The following ACTR3C variants were observed in gnomAD, a reference collection of about 807,000 sequenced individuals.
ACTR3C encodes the protein actin related protein 3C.
A neutral mutation model predicts 26.3 loss-of-function variants in ACTR3C; 18 were observed. That is an observed-to-expected ratio of 0.68 (90% CI 0.47 to 1.01). ACTR3C has a LOEUF of 1.01. ACTR3C is among the 50% of genes least tolerant of loss of function. The probability of loss-of-function intolerance (pLI) is 0.00; values close to 1 mark genes in which losing one functional copy is unlikely to be tolerated. For missense variants in ACTR3C, 184 were observed against 250.7 expected (o/e 0.73, Z 1.80); for synonymous variants, 55 against 94.5 (o/e 0.58, Z 2.42).
chr7:150,199,625 AAAAT>A, the ACTR3C span, among the ~76,000 whole-genome samples: 1 of 134,226 alleles, frequency 7.5e-6, no homozygotes, highest in South Asian at 2.2e-4. Flanking sequence ...TTAAAAAAAA[AAAAT>A]AAATAAAAAT....
chr7:150,227,303 T>C, the ACTR3C span, among the ~76,000 whole-genome samples: 1 of 151,028 alleles, frequency 6.6e-6, no homozygotes, highest in Non-Finnish European at 1.5e-5. Context: ...TTTCTCTCCT[T>C]CATTTTTAGC....
At chr7:150,036,929 G>C in the ACTR3C span, among the ~76,000 whole-genome samples, 1 of 108,408 alleles carries the variant, frequency 9.2e-6, no homozygotes, top group Non-Finnish European at 2.2e-5. Context: ...TCTGCGATGG[G>C]GGTCCTAAGA....
the ACTR3C span, among the ~76,000 whole-genome samples, chr7:149,903,392 TA>T: frequency 2.0e-5 from 3 of 151,918 alleles, no homozygotes; most frequent in South Asian, 6.2e-4. Context: ...GTTGCCGGAT[TA>T]AAAAAAAATC....
chr7:150,138,541 T>C, the ACTR3C span, among the ~76,000 whole-genome samples: 1 of 152,270 alleles, frequency 6.6e-6, no homozygotes, highest in Non-Finnish European at 1.5e-5. Context: ...ATTCAGGCTC[T>C]TGTAAGATAA....
At chr7:149,908,414 G>T in the ACTR3C span, among the ~76,000 whole-genome samples, 1 of 152,046 alleles carries the variant, frequency 6.6e-6, no homozygotes, top group African/African-American at 2.4e-5. Context: ...CACATTCATG[G>T]CCAGTTTTTC....
the ACTR3C span, among the ~76,000 whole-genome samples, chr7:150,091,314 G>A: frequency 1.2e-5 from 1 of 80,770 alleles, no homozygotes; most frequent in African/African-American, 4.2e-5. Flanking sequence ...CAAGGAGGGT[G>A]AGCTCACAGT....
downstream of ACTR3C, among the ~76,000 whole-genome samples, chr7:150,241,922 A>T (rs190521016): frequency 9.2e-5 from 14 of 152,320 alleles, no homozygotes; most frequent in East Asian, 2.7e-3. Flanking sequence ...AACTGTATTA[A>T]GATACCACTT....
the ACTR3C span, among the ~76,000 whole-genome samples, chr7:150,136,201 C>T: frequency 3.3e-5 from 5 of 152,322 alleles, no homozygotes; most frequent in Admixed American, 2.0e-4. Context: ...CACATTTTCA[C>T]GGAGCCCTGG....
intron 1 of ACTR3C, among the ~76,000 whole-genome samples, chr7:150,317,119 T>C (rs2129617149): frequency 6.6e-6 from 1 of 152,218 alleles, no homozygotes; most frequent in East Asian, 1.9e-4. Flanking sequence ...TGGCGTGATC[T>C]CGGCTCACTG....
chr7:150,107,239 G>A, the ACTR3C span, among the ~76,000 whole-genome samples: 1 of 149,166 alleles, frequency 6.7e-6, no homozygotes, highest in East Asian at 1.9e-4. Flanking sequence ...GTATCTTTGA[G>A]GCAGAGCTTT....
At chr7:150,068,675 C>G in the ACTR3C span, among the ~76,000 whole-genome samples, 1 of 144,170 alleles carries the variant, frequency 6.9e-6, no homozygotes, top group Non-Finnish European at 1.5e-5. Flanking sequence ...CCCAGCTACT[C>G]GGGAGGCTGA....
the ACTR3C span, among the ~76,000 whole-genome samples, chr7:150,201,313 A>G: frequency 6.6e-6 from 1 of 152,212 alleles, no homozygotes; most frequent in African/African-American, 2.4e-5. Context: ...ATACATACAG[A>G]GCTCTCAACA....
chr7:149,907,017 C>A, the ACTR3C span, among the ~76,000 whole-genome samples: 81 of 6,808 alleles, frequency 0.012, 5 homozygotes, highest in African/African-American at 0.048. Context: ...CTCCAACAAA[C>A]CAGACATAAG....
chr7:150,135,346 A>G, the ACTR3C span, among the ~76,000 whole-genome samples: 1 of 152,286 alleles, frequency 6.6e-6, no homozygotes, highest in Non-Finnish European at 1.5e-5. Flanking sequence ...CAGCCTGATG[A>G]AACTAAGCTA....
chr7:149,894,539 T>TA, the ACTR3C span, among the ~76,000 whole-genome samples: 14 of 150,896 alleles, frequency 9.3e-5, no homozygotes, highest in South Asian at 2.1e-4. Flanking sequence ...CAAACAGCAA[T>TA]AAAAAAAACA....
the ACTR3C span, among the ~76,000 whole-genome samples, chr7:150,068,142 A>C: frequency 6.6e-6 from 1 of 152,246 alleles, no homozygotes; most frequent in Non-Finnish European, 1.5e-5. Flanking sequence ...TTTTAAAGAT[A>C]CATCAGGGAA....
intron 1 of ACTR3C, among the ~76,000 whole-genome samples, chr7:150,301,332 T>G (rs1363247242): frequency 1.3e-5 from 2 of 152,204 alleles, no homozygotes; most frequent in Non-Finnish European, 2.9e-5. Context: ...AGCAAAGAGA[T>G]GCCTATTTAA....
chr7:149,902,819 C>T, the ACTR3C span, among the ~76,000 whole-genome samples: 3 of 95,262 alleles, frequency 3.1e-5, no homozygotes, highest in Non-Finnish European at 5.0e-5. Flanking sequence ...ATGGCTCCCA[C>T]GTGTGGTCCC....
At chr7:149,895,499 G>A in the ACTR3C span, among the ~76,000 whole-genome samples, 75 of 152,120 alleles carry the variant, frequency 4.9e-4, no homozygotes, top group South Asian at 1.5e-3. Flanking sequence ...TATTATACAC[G>A]ATAAAAACAC....
Sources: allele counts gnomAD v4.1 joint callset (sites outside exome capture counted in the v4.1 genomes callset), GRCh38; gene constraint gnomAD v4.1.1; transcripts MANE v1.5; gene names NCBI Gene and HGNC (gene_info 2026-07-23, HGNC 2026-07-21).